The following EBF1 variants were observed in gnomAD, a reference collection of about 807,000 sequenced individuals.
The protein encoded by EBF1 is transcription factor COE1.
Under a neutral mutation model 68.4 loss-of-function variants are expected in EBF1, and 10 were observed. The observed-to-expected ratio is 0.15, with a 90% confidence interval of 0.09 to 0.25. The LOEUF (loss-of-function observed/expected upper bound fraction) is 0.25, where lower values mean the gene tolerates loss of function less well. Among genes scored for constraint, EBF1 ranks in the 10% least tolerant of loss-of-function variants. EBF1 has a pLI of 1.00. For synonymous variants in EBF1, 298 were observed against 299.8 expected (o/e 0.99, Z 0.06); for missense variants, 509 against 794.4 (o/e 0.64, Z 4.32).
At chr5:158,962,155 C>T (rs199922735) in intron 6 of EBF1, among the ~76,000 whole-genome samples, 2 of 152,100 alleles carry the variant, frequency 1.3e-5, no homozygotes, top group East Asian at 3.9e-4. Context: ...GGTATGCTTC[C>T]AAAATACGTA....
chr5:158,868,002 C>G (rs1277065711), intron 6 of EBF1, among the ~76,000 whole-genome samples: 1 of 151,608 alleles, frequency 6.6e-6, no homozygotes, highest in Non-Finnish European at 1.5e-5. Flanking sequence ...TTTTTTTTCT[C>G]TAAAGACTGT....
In EBF1 at chr5:158,942,458, GA is replaced by G. The variant is rs200153356; in HGVS notation, c.555-102349del. ...AATAATAGTAGCTGGAACCCCATAG[GA>G]AAAAAACATTTAGCACAGTGTTTGA... is the stretch of plus-strand genomic sequence containing the variant. On this transcript the variant is annotated intron_variant, in intron 6 of 15. Transcript: ENST00000313708. Among the ~76,000 whole-genome samples, 1,201 of 152,204 alleles carry G rather than the reference GA, an allele frequency of 7.9e-3. 5 individuals are homozygous for G. Among genetic ancestry groups the G allele is most frequent in the Middle Eastern group, 0.034 (10 of 294 alleles).
chr5:158,982,572 T>G (rs1758103466), intron 6 of EBF1, among the ~76,000 whole-genome samples: 1 of 152,204 alleles, frequency 6.6e-6, no homozygotes, highest in Non-Finnish European at 1.5e-5. Flanking sequence ...AAATATTTGT[T>G]GAATAGATGA....
intron 10 of EBF1, among the ~76,000 whole-genome samples, chr5:158,775,745 A>AACACACAC (rs3220206): frequency 1.2e-4 from 16 of 137,638 alleles, no homozygotes; most frequent in African/African-American, 2.8e-4. Context: ...AGACTTGTAA[A>AACACACAC]ACACACACAC....
At chr5:158,816,280 A>G (rs1274080629) in intron 8 of EBF1, among the ~76,000 whole-genome samples, 1 of 152,258 alleles carries the variant, frequency 6.6e-6, no homozygotes, top group African/African-American at 2.4e-5. Flanking sequence ...GAAAGACTGG[A>G]GGCAAGGCTA....
At chr5:158,769,637 A>G (rs1773481957) in intron 10 of EBF1, among the ~76,000 whole-genome samples, 1 of 152,080 alleles carries the variant, frequency 6.6e-6, no homozygotes, top group Non-Finnish European at 1.5e-5. Context: ...TATGACACCA[A>G]CAGTATTTAA....
intron 6 of EBF1, among the ~76,000 whole-genome samples, chr5:159,029,598 A>C (rs1165512719): frequency 1.3e-5 from 2 of 152,198 alleles, no homozygotes; most frequent in African/African-American, 4.8e-5. Flanking sequence ...GTTTACTTGA[A>C]AAAGAAGTTC....
chr5:158,724,682 C>T (rs560173817), intron 11 of EBF1, among the ~76,000 whole-genome samples: 167 of 152,264 alleles, frequency 1.1e-3, no homozygotes, highest in Non-Finnish European at 1.1e-3. Context: ...AAAACAGTGC[C>T]TGTGACTGGA....
chr5:159,009,771 C>CAAAAAAAAAAAAAAAACAAAAAAA (rs11301958), intron 6 of EBF1, among the ~76,000 whole-genome samples: 1 of 124,214 alleles, frequency 8.1e-6, no homozygotes. Flanking sequence ...GACCCCATCT[C>CAAAAAAAAAAAAAAAACAAAAAAA]AAAAAAAAAA....
At chr5:158,975,105 G>C (rs2127572208) in intron 6 of EBF1, among the ~76,000 whole-genome samples, 1 of 152,294 alleles carries the variant, frequency 6.6e-6, no homozygotes, top group African/African-American at 2.4e-5. Context: ...GGTAGAGAAA[G>C]TCACTGTGGG....
At chr5:158,865,612 T>G (rs905354175) in intron 6 of EBF1, among the ~76,000 whole-genome samples, 3 of 152,316 alleles carry the variant, frequency 2.0e-5, no homozygotes, top group Admixed American at 1.3e-4. Flanking sequence ...AATTCAAGTT[T>G]AAGATATATT....
chr5:158,723,054 C>T (rs1287150145), intron 11 of EBF1, among the ~76,000 whole-genome samples: 1 of 152,182 alleles, frequency 6.6e-6, no homozygotes, highest in Non-Finnish European at 1.5e-5. Context: ...CGAAAGAGTT[C>T]CAGCACTGAG....
intron 5 of EBF1, among the ~76,000 whole-genome samples, chr5:159,074,489 C>T (rs554423472): frequency 1.3e-5 from 2 of 152,240 alleles, no homozygotes; most frequent in African/African-American, 2.4e-5. Context: ...TGCTCTTACA[C>T]ACACACGTGT....
intron 6 of EBF1, among the ~76,000 whole-genome samples, chr5:158,868,148 T>C (rs1479947545): frequency 6.6e-6 from 1 of 152,146 alleles, no homozygotes; most frequent in African/African-American, 2.4e-5. Context: ...TTTTTTGCCA[T>C]ATTCTTCATT....
intron 10 of EBF1, among the ~76,000 whole-genome samples, chr5:158,769,490 T>C (rs1773458435): frequency 1.3e-5 from 2 of 152,170 alleles, no homozygotes; most frequent in African/African-American, 2.4e-5. Context: ...TCTTGGAAAG[T>C]ATATTTGTAA....
At chr5:158,752,174 T>C (rs1347706459) in intron 10 of EBF1, among the ~76,000 whole-genome samples, 2 of 152,058 alleles carry the variant, frequency 1.3e-5, no homozygotes, top group African/African-American at 4.8e-5. Context: ...CTAAATATGA[T>C]TATATTTCCA....
chr5:159,023,478 T>C (rs1767124256), intron 6 of EBF1, among the ~76,000 whole-genome samples: 1 of 152,198 alleles, frequency 6.6e-6, no homozygotes. Context: ...CTGTGCCTCA[T>C]ACTGATAGAC....
intron 10 of EBF1, among the ~76,000 whole-genome samples, chr5:158,754,853 A>G (rs955462824): frequency 2.4e-4 from 37 of 152,168 alleles, no homozygotes; most frequent in Non-Finnish European, 3.7e-4. Context: ...ACTCTACTCA[A>G]TTCAATGCAA....
At chr5:158,912,314 G>C (rs1351253292) in intron 6 of EBF1, among the ~76,000 whole-genome samples, 1 of 152,226 alleles carries the variant, frequency 6.6e-6, no homozygotes, top group East Asian at 1.9e-4. Context: ...TGGATGCTTA[G>C]AATTCCTATA....
Sources: gnomAD v4.1 joint callset for allele counts (sites outside exome capture counted in the v4.1 genomes callset) on GRCh38, gnomAD v4.1.1 for gene constraint, MANE v1.5 for transcripts, NCBI Gene and HGNC (gene_info 2026-07-23, HGNC 2026-07-21) for gene names.